ADRA1D: variants seen among roughly 807,000 people sequenced by gnomAD.
The protein encoded by ADRA1D is alpha-1D adrenergic receptor.
Under a neutral mutation model 18.6 loss-of-function variants are expected in ADRA1D, and 22 were observed. The observed-to-expected ratio is 1.19, with a 90% CI of 0.85 to 1.69. The LOEUF (loss-of-function observed/expected upper bound fraction) is 1.69, where lower values mean the gene tolerates loss of function less well. ADRA1D is among the 40% of genes most tolerant of loss of function. The pLI is 0.00. For synonymous variants in ADRA1D, 376 were observed against 388.2 expected, an observed-to-expected ratio of 0.97 and a Z score of 0.37; for missense variants, 840 against 840.7, an observed-to-expected ratio of 1.00 and a Z score of 0.01.
At chr20:4,229,692 G>A (rs998552860) in intron 1 of ADRA1D, among the ~76,000 whole-genome samples, 1 of 152,008 alleles carries the variant, frequency 6.6e-6, no homozygotes, top group Admixed American at 6.6e-5. Flanking sequence ...GGAAGGAGAC[G>A]AGGTTGGAAC....
chr20:4,228,325 C>G (rs1391857800), intron 1 of ADRA1D, among the ~76,000 whole-genome samples: 1 of 152,202 alleles, frequency 6.6e-6, no homozygotes, highest in Non-Finnish European at 1.5e-5. Context: ...CTCCTGTCCT[C>G]TGCCAGCTCT....
At chr20:4,233,517 G>A (rs893560720) in intron 1 of ADRA1D, among the ~76,000 whole-genome samples, 3 of 151,956 alleles carry the variant, frequency 2.0e-5, no homozygotes, top group Non-Finnish European at 4.4e-5. Flanking sequence ...GTCTCAACAA[G>A]AGAACAGATC....
At chr20:4,245,882 T>C (rs1365640053) in intron 1 of ADRA1D, among the ~76,000 whole-genome samples, 2 of 152,324 alleles carry the variant, frequency 1.3e-5, no homozygotes, top group South Asian at 2.1e-4. Context: ...TTAGGGTCCG[T>C]TGCTTGCCCC....
At position 4,235,244 on chromosome 20, in the gene ADRA1D, C is replaced by T. The variant is rs575771695; in HGVS notation, c.1111+12603G>A. ...CCTGGGGCTGGCCCCAGACTCCCTT[C>T]TGTAGCTGAGGGGCAGGTGAAGGGA... On this transcript the variant is annotated intron_variant, in intron 1 of 1. Coordinates refer to ENST00000379453, the MANE Select transcript of ADRA1D (RefSeq NM_000678.4). Among the ~76,000 whole-genome samples, 11 of 152,308 alleles carry T rather than the reference C, an allele frequency of 7.2e-5. No individual in the cohort carries two copies. In the East Asian group the frequency reaches 1.9e-3, roughly 27 times the overall value.
chr20:4,248,094 G>A lies in ADRA1D; in HGVS notation c.864C>T (p.Leu288=). The change falls in exon 1 of 2, where the codon CTC becomes CTT. Residue 288 remains leucine (L), a synonymous_variant. Coordinates refer to ENST00000379453, the MANE Select transcript of ADRA1D (RefSeq NM_000678.4). Reference sequence around the variant, plus strand: ...CTCGCTCGCGCTTGACGCCCGCCTCGAGGCTGCGCGTGGTGCTGCGCGCGA... The same window carrying A: ...CTCGCTCGCGCTTGACGCCCGCCTCAAGGCTGCGCGTGGTGCTGCGCGCGA... The part of the protein sequence containing the change: ...YVVARSTTRS[L]EAGVKRERGK... 1.3e-6 allele frequency: 2 copies of A among 1,555,178 alleles called. No individual in the cohort carries two copies. The highest frequency in any genetic ancestry group is 8.7e-7 in the Non-Finnish European group (1 of 1,149,742).
At chr20:4,242,889 T>C (rs1346331441) in intron 1 of ADRA1D, among the ~76,000 whole-genome samples, 4 of 151,872 alleles carry the variant, frequency 2.6e-5, no homozygotes, top group Non-Finnish European at 5.9e-5. Context: ...TGTGTGTATG[T>C]AGGTCTCGGC....
chr20:4,222,195 C>G lies in ADRA1D; in HGVS notation c.1112-65G>C, dbSNP rs906981583. ...GAGGGGGAGGCCAGGCGGCTCTGGG[C>G]GCAAAGGGGAGACCCTTCAGTAGCC... On this transcript the variant is annotated intron_variant, in intron 1 of 1. Coordinates refer to ENST00000379453, the MANE Select transcript of ADRA1D (RefSeq NM_000678.4). The surrounding 1 kb of genome is among the most constrained non-coding windows in gnomAD (Gnocchi z 4.3). 9 of 1,567,046 alleles carry G rather than the reference C, an allele frequency of 5.7e-6. No homozygotes were observed. Among genetic ancestry groups the G allele is most frequent in the Non-Finnish European group, 7.8e-6 (9 of 1,156,908 alleles).
chr20:4,236,579 C>T (rs779422956), intron 1 of ADRA1D, among the ~76,000 whole-genome samples: 7 of 152,098 alleles, frequency 4.6e-5, no homozygotes, highest in East Asian at 1.9e-4. Flanking sequence ...AGGAGAGGAC[C>T]GAGCCCCTGT....
chr20:4,227,330 T>G lies in ADRA1D; in HGVS notation c.1112-5200A>C, dbSNP rs556473260. ...TGGCATCTCCTTCTGAAGTCTCTCT[T>G]ACACCACTCGCTCCTGACCCAGCTG... On this transcript the variant is annotated intron_variant, in intron 1 of 1. Transcript: ENST00000379453. 7.9e-5 allele frequency among the ~76,000 whole-genome samples: 12 copies of G among 152,256 alleles called. No individual in the cohort carries two copies. The South Asian group carries it at 2.3e-3, about 29-fold the overall frequency.
chr20:4,236,126 C>T lies in ADRA1D; in HGVS notation c.1111+11721G>A, dbSNP rs545943639. On this transcript the variant is annotated intron_variant, in intron 1 of 1. Transcript: ENST00000379453. ...ACCCTGGCCCCAGGCCGACCTCTGA[C>T]CCAGGCAAGAAATAACATGGACTCT... Among the ~76,000 whole-genome samples, 17 of 152,314 alleles carry T rather than the reference C, an allele frequency of 1.1e-4. No individual in the cohort carries two copies. In the South Asian group the frequency reaches 3.1e-3, roughly 28 times the overall value.
intron 1 of ADRA1D, among the ~76,000 whole-genome samples, chr20:4,240,466 G>A (rs1286188362): frequency 2.7e-5 from 4 of 149,100 alleles, no homozygotes; most frequent in Non-Finnish European, 4.4e-5. Flanking sequence ...AGGATTTACA[G>A]ATGAAGGGAT....
chr20:4,234,309 C>T (rs530168159), intron 1 of ADRA1D, among the ~76,000 whole-genome samples: 23 of 152,266 alleles, frequency 1.5e-4, no homozygotes, highest in East Asian at 1.9e-4. Context: ...AGTCAAGGGG[C>T]GGACTGTGTG....
intron 1 of ADRA1D, among the ~76,000 whole-genome samples, chr20:4,243,059 G>A (rs988717987): frequency 6.6e-6 from 1 of 152,090 alleles, no homozygotes; most frequent in African/African-American, 2.4e-5. Context: ...GCTTGCCTGG[G>A]GCAGGGTTTC....
At position 4,248,078 on chromosome 20, in the gene ADRA1D, G is replaced by A. The variant is rs1256499442; in HGVS notation, c.880C>T (p.Arg294Cys). The A allele has an allele frequency of 1.3e-6, 2 of 1,551,956 alleles. No homozygotes were observed. The highest frequency in any genetic ancestry group is 1.7e-6 in the Non-Finnish European group (2 of 1,148,048). The part of the protein sequence containing the change: ...TTRSLEAGVK[R>C]ERGKASEVVL... The stretch of plus-strand genomic sequence containing the variant: ...ACCTCGGAGGCCTTGCCTCGCTCGC[G>A]CTTGACGCCCGCCTCGAGGCTGCGC... The change falls in exon 1 of 2, where the codon CGC (arginine) becomes TGC (cysteine). Residue 294 changes from arginine to cysteine, a missense_variant. By Grantham distance (180) the Arg-to-Cys change is radical (BLOSUM62 -3). Coordinates refer to ENST00000379453, the MANE Select transcript of ADRA1D (RefSeq NM_000678.4).
At chr20:4,226,817 T>G (rs764269843) in intron 1 of ADRA1D, among the ~76,000 whole-genome samples, 2 of 152,256 alleles carry the variant, frequency 1.3e-5, no homozygotes, top group Non-Finnish European at 2.9e-5. Context: ...ACAAACAATC[T>G]GTGCATTGGG....
chr20:4,221,442 G>A lies in ADRA1D; in HGVS notation c.*81C>T. 1 of 1,451,086 alleles carries A rather than the reference G, an allele frequency of 6.9e-7. No homozygotes were observed. Among genetic ancestry groups the A allele is most frequent in the Non-Finnish European group, 9.3e-7 (1 of 1,071,832 alleles). The allele number at this position is 1,451,086 out of a possible 1,614,324, so 89.9% of individuals were successfully genotyped here. A position where few individuals can be genotyped will look rare whatever the true frequency, so the allele number is the denominator to read the frequency against. On this transcript the variant is annotated 3_prime_UTR_variant, in exon 2 of 2. Coordinates refer to ENST00000379453, the MANE Select transcript of ADRA1D (RefSeq NM_000678.4). ...GTTTCCGGGTCTCCGATTTGCACGG[G>A]GGCTCTTAGAACACCAGCCCGCCTC...
At chr20:4,226,781 T>C (rs577886340) in intron 1 of ADRA1D, among the ~76,000 whole-genome samples, 2 of 152,368 alleles carry the variant, frequency 1.3e-5, no homozygotes, top group South Asian at 2.1e-4. Flanking sequence ...CTCTGCCCAC[T>C]GCATGCAGAC....
chr20:4,237,459 G>GA (rs35448645), intron 1 of ADRA1D, among the ~76,000 whole-genome samples: 86,807 of 136,472 alleles, frequency 0.64, 28,016 homozygotes, highest in South Asian at 0.74. Flanking sequence ...TCCATCTCTT[G>GA]AAAAAAAAAA....
chr20:4,245,350 G>A (rs6052458), intron 1 of ADRA1D, among the ~76,000 whole-genome samples: 75,224 of 151,958 alleles, frequency 0.5, 18,925 homozygotes, highest in East Asian at 0.62. Flanking sequence ...AAACAAAACA[G>A]TATATTATTA....
Sources: allele counts gnomAD v4.1 joint callset (sites outside exome capture counted in the v4.1 genomes callset), GRCh38; gene constraint gnomAD v4.1.1; non-coding constraint Gnocchi (gnomAD v3.1); transcripts MANE v1.5; gene names NCBI Gene and HGNC (gene_info 2026-07-23, HGNC 2026-07-21).